NECTIN3: variants seen among roughly 807,000 people sequenced by gnomAD.
NECTIN3 encodes the protein nectin-3.
Under a neutral mutation model 49.4 loss-of-function variants are expected in NECTIN3, and 8 were observed. The ratio of observed to expected loss-of-function variants is 0.16; its 90% CI spans 0.10 to 0.29. NECTIN3 has a LOEUF of 0.29. Ranked by LOEUF, NECTIN3 falls within the 10% of genes least tolerant of loss-of-function variation. The pLI is 1.00. For synonymous variants in NECTIN3, 277 were observed against 241.1 expected (o/e 1.15, Z -1.38); for missense variants, 581 against 654.6 (o/e 0.89, Z 1.23).
At chr3:111,114,743 A>T (rs1398891328) in intron 2 of NECTIN3, among the ~76,000 whole-genome samples, 1 of 152,170 alleles carries the variant, frequency 6.6e-6, no homozygotes, top group Admixed American at 6.6e-5. Context: ...ACAGAAAATG[A>T]TATGCAGTTC....
At chr3:111,118,446 G>T (rs1201855223) in intron 2 of NECTIN3, among the ~76,000 whole-genome samples, 2 of 151,226 alleles carry the variant, frequency 1.3e-5, no homozygotes, top group South Asian at 4.2e-4. Flanking sequence ...TCTTTGTAGT[G>T]GTGGTATGAA....
chr3:111,136,977 A>G lies in NECTIN3; in HGVS notation c.*2762A>G, dbSNP rs946984201. 7 of 977,664 alleles carry G rather than the reference A, an allele frequency of 7.2e-6. No individual in the cohort carries two copies. Among genetic ancestry groups the G allele is most frequent in the East Asian group, 2.3e-4 (2 of 8,762 alleles). 60.6% of individuals were successfully genotyped at this position (977,664 alleles called of 1,614,324 possible). ...TAGGGTTCTATTTGCTAACTCTAATATTGAGGAAACTATTAAGGTTTTCAG... is the reference window on the plus strand; with the variant it reads ...TAGGGTTCTATTTGCTAACTCTAATGTTGAGGAAACTATTAAGGTTTTCAG... On this transcript the variant is annotated 3_prime_UTR_variant, in exon 6 of 6. Transcript: ENST00000485303.
upstream of NECTIN3, among the ~76,000 whole-genome samples, chr3:111,187,924 G>A (rs1456593516): frequency 6.6e-6 from 1 of 152,164 alleles, no homozygotes; most frequent in Non-Finnish European, 1.5e-5. Flanking sequence ...GAACTCTAAT[G>A]TAAACTATAA....
downstream of NECTIN3, chr3:111,137,637 G>A (rs1339099720): frequency 1.1e-5 from 3 of 280,918 alleles, no homozygotes; most frequent in African/African-American, 7.0e-5. Context: ...GTATGTGCGT[G>A]TGTAACCTAG....
chr3:111,072,491 C>G (rs1172937115), intron 1 of NECTIN3: 1 of 1,535,958 alleles, frequency 6.5e-7, no homozygotes, highest in Non-Finnish European at 8.7e-7. Flanking sequence ...TACTTCCTCG[C>G]TCATTCTCTG....
At chr3:111,184,917 G>A (rs1185133323) in intron 7 of NECTIN3, among the ~76,000 whole-genome samples, 1 of 152,200 alleles carries the variant, frequency 6.6e-6, no homozygotes, top group African/African-American at 2.4e-5. Flanking sequence ...GCCTTCTAAG[G>A]TGTGAACCTG....
upstream of NECTIN3, among the ~76,000 whole-genome samples, chr3:111,189,800 G>T (rs1017618051): frequency 2.1e-4 from 32 of 152,316 alleles, no homozygotes; most frequent in African/African-American, 7.5e-4. Flanking sequence ...CCTAGATAGG[G>T]GGTGAATGAG....
At chr3:111,133,358 A>G (rs958990267) in intron 5 of NECTIN3, among the ~76,000 whole-genome samples, 2 of 152,016 alleles carry the variant, frequency 1.3e-5, no homozygotes, top group African/African-American at 4.8e-5. Flanking sequence ...GTACAATATC[A>G]CTCATAAACT....
At chr3:111,072,700 T>C in intron 1 of NECTIN3, 1 of 973,002 alleles carries the variant, frequency 1.0e-6, no homozygotes, top group Non-Finnish European at 1.5e-6. Context: ...GCTAGTTTTC[T>C]TCTGTCTTGT....
chr3:111,187,527 G>C (rs1421051640), upstream of NECTIN3, among the ~76,000 whole-genome samples: 1 of 152,122 alleles, frequency 6.6e-6, no homozygotes, highest in Admixed American at 6.5e-5. Context: ...GTTTATAGCA[G>C]CTCAATTCAT....
chr3:111,163,588 A>C (rs914885687), intron 7 of NECTIN3, among the ~76,000 whole-genome samples: 3 of 152,230 alleles, frequency 2.0e-5, no homozygotes, highest in African/African-American at 7.2e-5. Context: ...CAAGGTTTGT[A>C]ATGTCACTTT....
intron 5 of NECTIN3, among the ~76,000 whole-genome samples, chr3:111,126,821 G>C (rs1054510931): frequency 6.6e-6 from 1 of 152,052 alleles, no homozygotes. Context: ...GGTGAAATAG[G>C]AATGCTACTG....
At chr3:111,162,341 A>G (rs2035230011) in intron 7 of NECTIN3, among the ~76,000 whole-genome samples, 1 of 152,116 alleles carries the variant, frequency 6.6e-6, no homozygotes, top group South Asian at 2.1e-4. Context: ...ACCTGGTGGG[A>G]GGTAACTGAA....
At chr3:111,147,211 G>A (rs1272758536) in intron 6 of NECTIN3, among the ~76,000 whole-genome samples, 2 of 152,044 alleles carry the variant, frequency 1.3e-5, no homozygotes, top group Admixed American at 1.3e-4. Context: ...TAACACCAAT[G>A]TTTACTTTTA....
At chr3:111,073,148 G>GA (rs2030920886) in intron 1 of NECTIN3, among the ~76,000 whole-genome samples, 1 of 152,044 alleles carries the variant, frequency 6.6e-6, no homozygotes, top group Non-Finnish European at 1.5e-5. Flanking sequence ...AGGAGTATCA[G>GA]AACACTGCGA....
At chr3:111,192,045 T>C (rs2035821741), upstream of NECTIN3, among the ~76,000 whole-genome samples, 1 of 152,188 alleles carries the variant, frequency 6.6e-6, no homozygotes, top group Non-Finnish European at 1.5e-5. Context: ...TTGATCAGGC[T>C]GGTCTCAAAC....
chr3:111,154,925 C>T (rs984113643), intron 7 of NECTIN3, among the ~76,000 whole-genome samples: 2 of 152,010 alleles, frequency 1.3e-5, no homozygotes, highest in Non-Finnish European at 2.9e-5. Flanking sequence ...CATTCTTTTG[C>T]TTGTCATTCT....
At chr3:111,120,489 T>C (rs1318669342) in intron 3 of NECTIN3, among the ~76,000 whole-genome samples, 1 of 152,212 alleles carries the variant, frequency 6.6e-6, no homozygotes, top group East Asian at 1.9e-4. Context: ...CTCACAGGTA[T>C]CTGGACTGTT....
At chr3:111,180,760 T>C (rs1409766943) in intron 7 of NECTIN3, among the ~76,000 whole-genome samples, 1 of 152,200 alleles carries the variant, frequency 6.6e-6, no homozygotes, top group African/African-American at 2.4e-5. Context: ...TTGGATACTT[T>C]TTAACGGAGA....
Sources: allele counts gnomAD v4.1 joint callset (sites outside exome capture counted in the v4.1 genomes callset), GRCh38; gene constraint gnomAD v4.1.1; transcripts MANE v1.5; gene names NCBI Gene and HGNC (gene_info 2026-07-23, HGNC 2026-07-21).